PLEKHA6: variants seen among roughly 807,000 people sequenced by gnomAD.
PLEKHA6 encodes the protein pleckstrin homology domain-containing family A member 6.
PLEKHA6 carries 60 observed loss-of-function variants against 116.7 expected under a neutral mutation model. The ratio of observed to expected loss-of-function variants is 0.51; its 90% CI spans 0.42 to 0.64. PLEKHA6 has a LOEUF of 0.64. Among genes scored for constraint, PLEKHA6 ranks in the 30% least tolerant of loss-of-function variants. PLEKHA6 has a pLI of 0.00. For missense variants in PLEKHA6, 1,338 were observed against 1,422.7 expected (o/e 0.94, Z 0.96); for synonymous variants, 489 against 556.1 (o/e 0.88, Z 1.70).
intron 3 of PLEKHA6, among the ~76,000 whole-genome samples, chr1:204,365,156 G>T (rs561874750): frequency 2.1e-3 from 325 of 152,208 alleles, no homozygotes; most frequent in Middle Eastern, 0.017. Context: ...AGTGTGGGAG[G>T]TGAGGCTGGG....
rs117144560 is a variant in PLEKHA6, at chr1:204,261,768, C to T, written c.382-320G>A. Among the ~76,000 whole-genome samples the T allele has an allele frequency of 1.1e-3, 173 of 152,324 alleles. 5 individuals carry two copies. The East Asian group carries it at 0.033, about 29-fold the overall frequency. Reference sequence around the variant, plus strand: ...GGGACAATGATCACACCCATTCTCCCGGCAAATTCCATGTTTGATTTCAAA... The same window carrying T: ...GGGACAATGATCACACCCATTCTCCTGGCAAATTCCATGTTTGATTTCAAA... On this transcript the variant is annotated intron_variant, in intron 6 of 22. Transcript: ENST00000272203. The surrounding 1 kb of genome is among the most constrained non-coding windows in gnomAD (Gnocchi z 4.0).
At chr1:204,290,673 GAATTT>G (rs1251207903) in intron 1 of PLEKHA6, among the ~76,000 whole-genome samples, 8 of 152,176 alleles carry the variant, frequency 5.3e-5, no homozygotes, top group Non-Finnish European at 1.2e-4. Flanking sequence ...AAATTTGTCA[GAATTT>G]AAGTTTGCTC....
At chr1:204,250,444 A>T in intron 10 of PLEKHA6, 102 bp downstream of exon 10, 1 of 791,696 alleles carries the variant, frequency 1.3e-6, no homozygotes. Flanking sequence ...ATGGAGAGAC[A>T]GCCCCCGCAG....
intron 1 of PLEKHA6, among the ~76,000 whole-genome samples, chr1:204,278,430 C>T (rs1231437824): frequency 2.0e-5 from 3 of 152,216 alleles, no homozygotes; most frequent in South Asian, 2.1e-4. Flanking sequence ...TTTTTAGCAG[C>T]ACCAGGCAGT....
rs749089223 is a variant in PLEKHA6, at chr1:204,248,980, G to A, written c.1675-10C>T. On this transcript the variant is annotated splice_polypyrimidine_tract_variant and intron_variant, in intron 11 of 22. Transcript: ENST00000272203. ...CACTTTCCAGGCTCTCCTGAAGAAA[G>A]GCAGGGGAATGACATGAGCAGCCCT... 9.3e-6 allele frequency: 15 copies of A among 1,613,558 alleles called. No homozygotes were observed. The East Asian group carries it at 3.3e-4, about 36-fold the overall frequency.
intron 1 of PLEKHA6, among the ~76,000 whole-genome samples, chr1:204,328,164 C>A (rs1367311796): frequency 1.3e-5 from 2 of 151,780 alleles, no homozygotes; most frequent in Non-Finnish European, 2.9e-5. Flanking sequence ...CTCACCACAA[C>A]CTCTGCCTCC....
intron 1 of PLEKHA6, among the ~76,000 whole-genome samples, chr1:204,276,679 C>G (rs1572027397): frequency 7.1e-6 from 1 of 140,930 alleles, no homozygotes. Flanking sequence ...CACACACACA[C>G]AGAAGCATAC....
At chr1:204,370,957 G>A (rs1673761776) in intron 2 of PLEKHA6, among the ~76,000 whole-genome samples, 2 of 151,646 alleles carry the variant, frequency 1.3e-5, no homozygotes, top group African/African-American at 4.9e-5. Flanking sequence ...GGGAGGCTGA[G>A]GCACGAGAAT....
intron 1 of PLEKHA6, among the ~76,000 whole-genome samples, chr1:204,344,380 A>G (rs1295455656): frequency 1.3e-5 from 2 of 152,118 alleles, no homozygotes; most frequent in Non-Finnish European, 2.9e-5. Context: ...CAGGTGGATC[A>G]TTTGAGCTCA....
intron 1 of PLEKHA6, among the ~76,000 whole-genome samples, chr1:204,333,086 G>A (rs1172798240): frequency 6.6e-6 from 1 of 152,238 alleles, no homozygotes; most frequent in Non-Finnish European, 1.5e-5. Flanking sequence ...AGCCAGAGAA[G>A]ACCCAGGCCC....
At chr1:204,234,017 C>CA (rs1661589179) in intron 17 of PLEKHA6, among the ~76,000 whole-genome samples, 1 of 152,116 alleles carries the variant, frequency 6.6e-6, no homozygotes, top group African/African-American at 2.4e-5. Flanking sequence ...ATAGTACCCC[C>CA]AAAAAGAGAT....
At chr1:204,267,616 GA>G in intron 4 of PLEKHA6, 69 bp from the exon 5 acceptor site, 3 of 1,333,448 alleles carry the variant, frequency 2.2e-6, no homozygotes, top group South Asian at 1.2e-5. Flanking sequence ...GGGATGCAGG[GA>G]AAAGGGCACA....
intron 1 of PLEKHA6, among the ~76,000 whole-genome samples, chr1:204,318,313 A>T (rs1166537800): frequency 6.6e-6 from 1 of 152,212 alleles, no homozygotes; most frequent in Admixed American, 6.5e-5. Flanking sequence ...TTTACTCCAC[A>T]TGCAATTCAG....
chr1:204,338,413 A>C (rs1672730684), intron 1 of PLEKHA6, among the ~76,000 whole-genome samples: 4 of 152,214 alleles, frequency 2.6e-5, no homozygotes, highest in Non-Finnish European at 5.9e-5. Flanking sequence ...CCCCCGCTCC[A>C]TTAAGGTCAT....
intron 6 of PLEKHA6, among the ~76,000 whole-genome samples, chr1:204,264,083 C>A (rs961108759): frequency 6.6e-6 from 1 of 152,090 alleles, no homozygotes; most frequent in Non-Finnish European, 1.5e-5. Flanking sequence ...AATATCATAG[C>A]TTTGAAGGGT....
Position 204,228,284 on chromosome 1 carries a change from T to C in PLEKHA6, c.2886-56A>G. 6.6e-7 allele frequency: 1 copy of C among 1,522,832 alleles called. No homozygotes were observed. The highest frequency in any genetic ancestry group is 2.3e-5 in the East Asian group (1 of 43,584). The allele number at this position is 1,522,832 out of a possible 1,614,324, so 94.3% of individuals were successfully genotyped here. Reference sequence around the variant, plus strand: ...GGAGGGACAGGATGGTCCAAGTGGCTTGAGGGGGCCTGCGGACTGAGGTTG... The same window carrying C: ...GGAGGGACAGGATGGTCCAAGTGGCCTGAGGGGGCCTGCGGACTGAGGTTG... On this transcript the variant is annotated intron_variant, in intron 20 of 22. Coordinates refer to ENST00000272203, the MANE Select transcript of PLEKHA6 (RefSeq NM_014935.5). This position sits in a 1 kb window ranked among gnomAD's most constrained non-coding sequence, Gnocchi z 4.0.
chr1:204,361,188 T>C (rs1673550176), upstream of PLEKHA6, among the ~76,000 whole-genome samples: 1 of 152,154 alleles, frequency 6.6e-6, no homozygotes, highest in Non-Finnish European at 1.5e-5. Flanking sequence ...CCCACTCACC[T>C]GGTGATTGCA....
Position 204,257,379 on chromosome 1 carries a change from T to A in PLEKHA6, c.1498A>T (p.Met500Leu). Reference protein sequence around the residue: ...DIYADPAAYVMRRSISSPKVP... With the variant: ...DIYADPAAYVLRRSISSPKVP... ...TTGGGGGAGCTGATGGATCGCCTCATCACATAGGCAGCAGGGTCAGCATAG... is the reference window on the plus strand; with the variant it reads ...TTGGGGGAGCTGATGGATCGCCTCAACACATAGGCAGCAGGGTCAGCATAG... The change falls in exon 9 of 23, where the codon ATG becomes TTG. Residue 500 changes from methionine to leucine, a missense_variant. Met to Leu is a conservative substitution (Grantham distance 15, BLOSUM62 2). Coordinates refer to ENST00000272203, the MANE Select transcript of PLEKHA6 (RefSeq NM_014935.5). The surrounding 1 kb of genome is among the most constrained non-coding windows in gnomAD (Gnocchi z 6.5). 6.4e-7 allele frequency: 1 copy of A among 1,563,512 alleles called. No individual in the cohort carries two copies. Among genetic ancestry groups the A allele is most frequent in the Non-Finnish European group, 8.7e-7 (1 of 1,153,490 alleles).
rs759409183 is a variant in PLEKHA6 at position 204,230,508 on chromosome 1, G to A, written c.2488C>T (p.Arg830Trp). 2.1e-5 allele frequency: 33 copies of A among 1,589,700 alleles called. No individual in the cohort carries two copies. The highest frequency in any genetic ancestry group is 6.7e-5 in the African/African-American group (5 of 74,874). Residue 830 changes from arginine to tryptophan, a missense_variant, in exon 18 of 23, where the codon CGG becomes TGG. This residue lies in a region of PLEKHA6 where 1,136 missense variants were observed against 1,163.6 expected (regional missense o/e 0.98). Coordinates refer to ENST00000272203, the MANE Select transcript of PLEKHA6 (RefSeq NM_014935.5). ...SVEEQIDRMR[R>W]HQSGSMREKR... ...TCCCTCATGGAGCCACTCTGGTGCC[G>A]CCGCATTCGGTCAATCTGCTCCTCC...
Sources: allele counts gnomAD v4.1 joint callset (sites outside exome capture counted in the v4.1 genomes callset), GRCh38; gene constraint gnomAD v4.1.1; regional missense constraint gnomAD v4.1.1; non-coding constraint Gnocchi (gnomAD v3.1); transcripts MANE v1.5; gene names NCBI Gene and HGNC (gene_info 2026-07-23, HGNC 2026-07-21).